POU2F1: variants seen among roughly 807,000 people sequenced by gnomAD.
POU2F1 encodes POU domain, class 2, transcription factor 1.
POU2F1 carries 16 observed loss-of-function variants against 84.9 expected under a neutral mutation model. That is an observed-to-expected ratio of 0.19 (90% CI 0.13 to 0.29). The LOEUF (loss-of-function observed/expected upper bound fraction) is 0.29, where lower values mean the gene tolerates loss of function less well. POU2F1 is among the 10% of genes least tolerant of loss of function. The probability of loss-of-function intolerance (pLI) is 1.00; values close to 1 mark genes in which losing one functional copy is unlikely to be tolerated. For synonymous variants in POU2F1, 368 were observed against 368.3 expected (o/e 1.00, Z 0.01); for missense variants, 738 against 942.6 (o/e 0.78, Z 2.84).
chr1:167,396,488 T>C (rs889160618), intron 10 of POU2F1, 61 bp downstream of exon 10: 48 of 1,536,706 alleles, frequency 3.1e-5, no homozygotes, highest in African/African-American at 4.1e-5. Context: ...GGGATTGTTA[T>C]ATAAATTGGG....
At chr1:167,397,738 G>T (rs1648913347) in intron 10 of POU2F1, among the ~76,000 whole-genome samples, 1 of 152,146 alleles carries the variant, frequency 6.6e-6, no homozygotes, top group Admixed American at 6.5e-5. Context: ...TAGAGATGGG[G>T]TTTCACCATT....
chr1:167,298,806 G>C (rs1489729572), intron 1 of POU2F1, among the ~76,000 whole-genome samples: 2 of 152,056 alleles, frequency 1.3e-5, no homozygotes, highest in African/African-American at 2.4e-5. Flanking sequence ...CATTAAATCT[G>C]TGTGTCTCTG....
chr1:167,355,530 C>CA (rs984221711), intron 2 of POU2F1, among the ~76,000 whole-genome samples: 3 of 151,460 alleles, frequency 2.0e-5, no homozygotes, highest in Admixed American at 6.6e-5. Flanking sequence ...CCCTCTGCTC[C>CA]AAAAAAAAGA....
intron 1 of POU2F1, among the ~76,000 whole-genome samples, chr1:167,281,174 G>A (rs773849543): frequency 9.2e-5 from 14 of 152,142 alleles, no homozygotes; most frequent in African/African-American, 1.7e-4. Context: ...TGTACATAAT[G>A]TATTTGGGTA....
At chr1:167,409,938 G>T (rs1649839793) in intron 13 of POU2F1, among the ~76,000 whole-genome samples, 1 of 152,124 alleles carries the variant, frequency 6.6e-6, no homozygotes, top group African/African-American at 2.4e-5. Context: ...AATAAAAGAT[G>T]TTCACCTTAC....
chr1:167,348,774 T>TACCTGTATC (rs1252391541), intron 2 of POU2F1, among the ~76,000 whole-genome samples: 2 of 152,324 alleles, frequency 1.3e-5, no homozygotes, highest in Non-Finnish European at 2.9e-5. Flanking sequence ...TACCCTGAAC[T>TACCTGTATC]ACCTGTATCA....
intron 1 of POU2F1, among the ~76,000 whole-genome samples, chr1:167,228,453 G>C (rs1648807228): frequency 6.6e-6 from 1 of 152,186 alleles, no homozygotes; most frequent in Non-Finnish European, 1.5e-5. Flanking sequence ...AAATAGATAA[G>C]TCGTGATAAA....
At position 167,294,192 on chromosome 1, in the gene POU2F1, A is replaced by T. The variant is rs898911035; in HGVS notation, c.62-38278A>T. On this transcript the variant is annotated intron_variant, in intron 1 of 15. Coordinates refer to ENST00000367866, the MANE Select transcript of POU2F1 (RefSeq NM_002697.4). ...AAATACAAAAAAAAAAAAAAAAAAA[A>T]AAAAAAATTAGCCAGGTGTGGTGGC... Among the ~76,000 whole-genome samples, 271 of 148,998 alleles carry T rather than the reference A, an allele frequency of 1.8e-3. 1 individual carries two copies. The highest frequency in any genetic ancestry group is 6.6e-3 in the African/African-American group (264 of 40,252).
chr1:167,391,139 T>C (rs759710453), intron 9 of POU2F1, among the ~76,000 whole-genome samples: 15 of 152,206 alleles, frequency 9.9e-5, no homozygotes, highest in Admixed American at 2.0e-4. Flanking sequence ...AGGGTCTCGC[T>C]ATGTTGGCCA....
chr1:167,256,104 T>A (rs1051114877), intron 1 of POU2F1, among the ~76,000 whole-genome samples: 1 of 152,216 alleles, frequency 6.6e-6, no homozygotes, highest in African/African-American at 2.4e-5. Context: ...AGCTTTTGCT[T>A]TTGTTTGAGC....
intron 2 of POU2F1, among the ~76,000 whole-genome samples, chr1:167,358,737 T>TG (rs1553214029): frequency 4.5e-5 from 4 of 88,830 alleles, no homozygotes; most frequent in South Asian, 4.7e-4. Context: ...TTTTTTTTTT[T>TG]GAGACAGGTT....
chr1:167,373,794 T>C (rs1660155019), intron 5 of POU2F1, among the ~76,000 whole-genome samples: 1 of 152,212 alleles, frequency 6.6e-6, no homozygotes, highest in Non-Finnish European at 1.5e-5. Flanking sequence ...TGTGTAAATG[T>C]ATTTTCATAT....
chr1:167,324,889 G>T (rs111777717), intron 1 of POU2F1, among the ~76,000 whole-genome samples: 3 of 152,148 alleles, frequency 2.0e-5, no homozygotes, highest in Middle Eastern at 3.2e-3. Context: ...TTGGTGGGGG[G>T]AGGGGACACT....
Position 167,389,667 on chromosome 1 carries a change from A to C in POU2F1, c.893A>C (p.Asp298Ala). 1 of 1,614,226 alleles carries C rather than the reference A, an allele frequency of 6.2e-7. No individual in the cohort carries two copies. The change falls in exon 9 of 16, where the codon GAT becomes GCT. Residue 298 changes from aspartate to alanine, a missense_variant. Physicochemically the swap from Asp to Ala is moderately radical, Grantham distance 126. Around this residue, in one of 4 missense-constraint regions of POU2F1, gnomAD observed 163 missense variants for 214.4 expected, o/e 0.76. Coordinates refer to ENST00000367866, the MANE Select transcript of POU2F1 (RefSeq NM_002697.4). Reference sequence around the variant, plus strand: ...AGCCAGTCAACACCAAAGCGAATTGATACTCCCAGCTTGGAGGAGCCCAGT... The same window carrying C: ...AGCCAGTCAACACCAAAGCGAATTGCTACTCCCAGCTTGGAGGAGCCCAGT... ...PQSQSTPKRI[D>A]TPSLEEPSDL...
chr1:167,381,373 G>A (rs1383036622), intron 7 of POU2F1, among the ~76,000 whole-genome samples: 1 of 152,104 alleles, frequency 6.6e-6, no homozygotes, highest in Non-Finnish European at 1.5e-5. Flanking sequence ...GTGAGCCATG[G>A]CGCCTGGCCA....
At chr1:167,388,632 C>T (rs1465683268) in intron 8 of POU2F1, among the ~76,000 whole-genome samples, 1 of 151,984 alleles carries the variant, frequency 6.6e-6, no homozygotes, top group Non-Finnish European at 1.5e-5. Flanking sequence ...GTAGTCCAAG[C>T]TATCAAAGAG....
At chr1:167,281,111 T>C (rs1223984252) in intron 1 of POU2F1, among the ~76,000 whole-genome samples, 1 of 152,234 alleles carries the variant, frequency 6.6e-6, no homozygotes, top group Non-Finnish European at 1.5e-5. Flanking sequence ...CTGGTTTAAA[T>C]GAATAGATAC....
intron 2 of POU2F1, among the ~76,000 whole-genome samples, chr1:167,364,582 T>TTTC (rs1491097482): frequency 7.9e-6 from 1 of 126,622 alleles, no homozygotes; most frequent in Non-Finnish European, 1.6e-5. Flanking sequence ...TCTTTCTTTC[T>TTTC]TTTTTTTTTT....
At chr1:167,405,296 A>G (rs186466085) in intron 13 of POU2F1, among the ~76,000 whole-genome samples, 1 of 152,320 alleles carries the variant, frequency 6.6e-6, no homozygotes, top group East Asian at 1.9e-4. Context: ...AAGATACAGG[A>G]AACAAAAAGG....
Sources: gnomAD v4.1 joint callset for allele counts (sites outside exome capture counted in the v4.1 genomes callset) on GRCh38, gnomAD v4.1.1 for gene constraint, gnomAD v4.1.1 regional missense constraint, MANE v1.5 for transcripts, NCBI Gene and HGNC (gene_info 2026-07-23, HGNC 2026-07-21) for gene names.